Variants in GLRA1 observed in about 807,000 individuals in gnomAD.
The protein encoded by GLRA1 is glycine receptor alpha 1, also known as glycine receptor subunit alpha-1.
GLRA1 carries 37 observed loss-of-function variants against 48.3 expected under a neutral mutation model. That is an observed-to-expected ratio of 0.77 (90% CI 0.59 to 1.01). The LOEUF is 1.01. Ranked by LOEUF, GLRA1 falls within the 50% of genes least tolerant of loss-of-function variation. The probability of loss-of-function intolerance (pLI) is 0.00; values close to 1 mark genes in which losing one functional copy is unlikely to be tolerated. For missense variants in GLRA1, 427 were observed against 571.0 expected (o/e 0.75, Z 2.57); for synonymous variants, 196 against 210.7 (o/e 0.93, Z 0.60).
chr5:151,880,904 G>A (rs992460542), intron 3 of GLRA1, among the ~76,000 whole-genome samples: 3 of 152,072 alleles, frequency 2.0e-5, no homozygotes, highest in Non-Finnish European at 2.9e-5. Context: ...ATGCACATTC[G>A]TTCTTAAGTA....
chr5:151,923,918 T>C (rs1036088166), intron 1 of GLRA1, among the ~76,000 whole-genome samples: 10 of 152,242 alleles, frequency 6.6e-5, no homozygotes, highest in African/African-American at 2.2e-4. Flanking sequence ...TATAATACTA[T>C]TGTTTCCAAG....
chr5:151,891,432 AATTT>A (rs1277984471), intron 2 of GLRA1, among the ~76,000 whole-genome samples: 1 of 152,132 alleles, frequency 6.6e-6, no homozygotes, highest in East Asian at 1.9e-4. Flanking sequence ...GTTTTATTTG[AATTT>A]ACATGTTTTA....
At chr5:151,881,088 T>C (rs1237471064) in intron 3 of GLRA1, among the ~76,000 whole-genome samples, 2 of 152,218 alleles carry the variant, frequency 1.3e-5, no homozygotes, top group Non-Finnish European at 2.9e-5. Context: ...TAGCATCACA[T>C]ATACACATGC....
In GLRA1 at chr5:151,823,761, C is replaced by T. The variant is rs148778903; in HGVS notation, c.1060-798G>A. 9.2e-3 allele frequency among the ~76,000 whole-genome samples: 1,399 copies of T among 152,256 alleles called. 27 individuals carry two copies. The highest frequency in any genetic ancestry group is 0.032 in the African/African-American group (1,323 of 41,526). On this transcript the variant is annotated intron_variant, in intron 8 of 8. Coordinates refer to ENST00000274576, the MANE Select transcript of GLRA1 (RefSeq NM_000171.4). ...GCAGCCCTCCAGGTTTGTACATTTT[C>T]TCTTGTGCCTTCTCACGTCCCTTCC...
At chr5:151,893,291 TCTTTCTTTCTTTCTTTC>T (rs1754136669) in intron 1 of GLRA1, among the ~76,000 whole-genome samples, 1 of 79,746 alleles carries the variant, frequency 1.3e-5, no homozygotes, top group Non-Finnish European at 2.7e-5. Flanking sequence ...CAACTTTCTT[TCTTTCTTTCTTTCTTTC>T]TTTCTTTCTT....
chr5:151,914,265 A>G (rs1439977374), intron 1 of GLRA1, among the ~76,000 whole-genome samples: 8 of 152,180 alleles, frequency 5.3e-5, no homozygotes, highest in Non-Finnish European at 7.3e-5. Context: ...AGTTTCCCAC[A>G]GGCCATGTCA....
chr5:151,867,270 C>T (rs953781738), intron 3 of GLRA1, among the ~76,000 whole-genome samples: 1 of 152,144 alleles, frequency 6.6e-6, no homozygotes, highest in Non-Finnish European at 1.5e-5. Context: ...CAGAAGTTAG[C>T]ATCTCTAGAT....
chr5:151,849,125 TTTCTTTC>T, intron 7 of GLRA1: 1 of 206,508 alleles, frequency 4.8e-6, no homozygotes, highest in Middle Eastern at 1.3e-3. Context: ...TCTTTCTTTC[TTTCTTTC>T]TTTCTTTCTT....
chr5:151,924,533 G>T lies in GLRA1; in HGVS notation c.17C>A (p.Thr6Asn). Residue 6 changes from threonine (T) to asparagine (N), a missense_variant, in exon 1 of 9, where the codon ACT becomes AAT. By Grantham distance (65) the Thr-to-Asn change is moderately conservative (BLOSUM62 0). Around this residue, in one of 4 missense-constraint regions of GLRA1, gnomAD observed 271 missense variants for 434.9 expected, o/e 0.62. Coordinates refer to ENST00000274576, the MANE Select transcript of GLRA1 (RefSeq NM_000171.4). MYSFN[T>N]LRLYLWETIV... ...GGTCTCCCAAAGGTAGAGTCGAAGA[G>T]TATTGAAGCTGTACATTTTTCAGGT... The T allele has an allele frequency of 6.2e-7, 1 of 1,604,246 alleles. No individual in the cohort carries two copies. Among genetic ancestry groups the T allele is most frequent in the South Asian group, 1.1e-5 (1 of 90,892 alleles).
chr5:151,858,598 G>A (rs552446729), intron 4 of GLRA1, among the ~76,000 whole-genome samples: 2 of 152,128 alleles, frequency 1.3e-5, no homozygotes, highest in Non-Finnish European at 2.9e-5. Flanking sequence ...GCTCCTGAGC[G>A]AGGAAGGCCA....
At chr5:151,908,265 T>C (rs115648024) in intron 1 of GLRA1, among the ~76,000 whole-genome samples, 1,537 of 152,342 alleles carry the variant, frequency 0.01, 28 homozygotes, top group African/African-American at 0.035. Flanking sequence ...GAATTCTTGA[T>C]GTGAGGATCC....
rs764418830 is a variant in GLRA1, at chr5:151,851,401, A to G, written c.901T>C (p.Ser301Pro). ...GCAATGGGACTTACCTTGGGCAGAG[A>G]TGCTCGAGAGCCGGAGCTCTGGGTG... is the stretch of plus-strand genomic sequence containing the variant. ...MTTQSSGSRASLPKVSYVKAI... is the reference protein window; with the variant it reads ...MTTQSSGSRAPLPKVSYVKAI... Residue 301 changes from serine (S) to proline (P), a missense_variant, in exon 7 of 9, where the codon TCT becomes CCT. Ser to Pro is a moderately conservative substitution (Grantham distance 74). This residue lies in a region of GLRA1 where 271 missense variants were observed against 434.9 expected (regional missense o/e 0.62). Transcript: ENST00000274576. 1 of 1,612,442 alleles carries G rather than the reference A, an allele frequency of 6.2e-7. No homozygotes were observed. Among genetic ancestry groups the G allele is most frequent in the South Asian group, 1.1e-5 (1 of 91,012 alleles).
chr5:151,860,130 T>A (rs1753157214), intron 3 of GLRA1, 122 bp from the exon 4 acceptor site: 2 of 733,074 alleles, frequency 2.7e-6, no homozygotes, highest in South Asian at 1.5e-5. Flanking sequence ...TGTGGTTGCA[T>A]CTTATATGGG....
intron 1 of GLRA1, among the ~76,000 whole-genome samples, chr5:151,903,697 A>G (rs1754414862): frequency 6.6e-6 from 1 of 152,214 alleles, no homozygotes; most frequent in Admixed American, 6.5e-5. Context: ...AGATAAGAAA[A>G]CTGACTCAGA....
intron 8 of GLRA1, among the ~76,000 whole-genome samples, chr5:151,826,109 GA>G (rs1304361146): frequency 4.6e-5 from 7 of 152,176 alleles, no homozygotes; most frequent in Non-Finnish European, 8.8e-5. Context: ...AGTTGGGGCT[GA>G]AAAATATCCC....
At chr5:151,839,739 A>G (rs1463874484) in intron 7 of GLRA1, among the ~76,000 whole-genome samples, 1 of 152,168 alleles carries the variant, frequency 6.6e-6, no homozygotes, top group Non-Finnish European at 1.5e-5. Context: ...TTAGGGAAGA[A>G]GAGATACCAG....
chr5:151,870,360 G>C (rs1182085203), intron 3 of GLRA1, among the ~76,000 whole-genome samples: 1 of 149,676 alleles, frequency 6.7e-6, no homozygotes. Context: ...GCACAATGGT[G>C]AGACATGCCA....
intron 7 of GLRA1, among the ~76,000 whole-genome samples, chr5:151,844,992 G>T (rs1220617090): frequency 6.6e-6 from 1 of 151,970 alleles, no homozygotes; most frequent in African/African-American, 2.4e-5. Flanking sequence ...GGTGGGAGAC[G>T]CCAGGTTCTT....
At chr5:151,823,732 C>A (rs1168583629) in intron 8 of GLRA1, among the ~76,000 whole-genome samples, 1 of 152,236 alleles carries the variant, frequency 6.6e-6, no homozygotes, top group Non-Finnish European at 1.5e-5. Context: ...CCACCAGATA[C>A]TTTGCAGCCC....
Sources: gnomAD v4.1 joint callset for allele counts (sites outside exome capture counted in the v4.1 genomes callset) on GRCh38, gnomAD v4.1.1 for gene constraint, gnomAD v4.1.1 regional missense constraint, MANE v1.5 for transcripts, NCBI Gene and HGNC (gene_info 2026-07-23, HGNC 2026-07-21) for gene names.